Variants in PIGN observed in about 807,000 individuals in gnomAD.
PIGN encodes phosphatidylinositol glycan anchor biosynthesis class N.
Under a neutral mutation model 125.4 loss-of-function variants are expected in PIGN, and 117 were observed. The observed-to-expected ratio is 0.93, with a 90% CI of 0.80 to 1.09. The LOEUF (loss-of-function observed/expected upper bound fraction) is 1.09. Ranked by LOEUF, PIGN falls within the 50% of genes least tolerant of loss-of-function variation. PIGN has a pLI of 0.00. For missense variants in PIGN, 1,075 were observed against 1,094.9 expected (o/e 0.98, Z 0.26); for synonymous variants, 392 against 377.8 (o/e 1.04, Z -0.44).
At chr18:62,055,698 T>C (rs1379654392) in intron 30 of PIGN, among the ~76,000 whole-genome samples, 2 of 152,050 alleles carry the variant, frequency 1.3e-5, no homozygotes, top group African/African-American at 2.4e-5. Flanking sequence ...TACAACCTCA[T>C]GTGAATCTAT....
Position 62,106,664 on chromosome 18 carries a change from A to T in PIGN, c.1767+125T>A, listed in dbSNP as rs1194644300. 6.2e-6 allele frequency: 4 copies of T among 649,768 alleles called. No individual in the cohort carries two copies. The Admixed American group carries it at 8.7e-5, about 14-fold the overall frequency. The allele number at this position is 649,768 out of a possible 1,614,324, so 40.3% of individuals were successfully genotyped here. A position where few individuals can be genotyped will look rare whatever the true frequency, so the allele number is the denominator to read the frequency against. On this transcript the variant is annotated intron_variant, in intron 19 of 30. Transcript: ENST00000640252. ...TAATGTCAGTCCTCCTATCAATATG[A>T]CTAGGCTCTTTTATGTAAGAACACA... is the stretch of plus-strand genomic sequence containing the variant.
intron 25 of PIGN, among the ~76,000 whole-genome samples, chr18:62,087,398 G>C (rs1291157248): frequency 6.6e-6 from 1 of 152,212 alleles, no homozygotes; most frequent in Non-Finnish European, 1.5e-5. Context: ...AACTTCGGCA[G>C]AGACATCTGA....
At chr18:62,085,107 C>CA in intron 26 of PIGN, 102 bp downstream of exon 26, 1 of 720,216 alleles carries the variant, frequency 1.4e-6, no homozygotes, top group Non-Finnish European at 2.3e-6. Flanking sequence ...GACTTGGTCT[C>CA]AAAAAGAAAA....
In PIGN at chr18:62,045,750, G is replaced by A. The variant is rs2030623433; in HGVS notation, c.*106C>T. The A allele has an allele frequency of 3.8e-6, 4 of 1,064,864 alleles. No homozygotes were observed. Among genetic ancestry groups the A allele is most frequent in the Admixed American group, 2.4e-5 (1 of 42,316 alleles). The allele number at this position is 1,064,864 out of a possible 1,614,324, so 66.0% of individuals were successfully genotyped here. On this transcript the variant is annotated 3_prime_UTR_variant, in exon 31 of 31. Coordinates refer to ENST00000640252, the MANE Select transcript of PIGN (RefSeq NM_176787.5). ...TCCAAATACCATTTTCCTTACAGGA[G>A]TAGAATATACTATATATCCATATCC...
At chr18:62,152,871 T>G (rs201576643) in intron 7 of PIGN, among the ~76,000 whole-genome samples, 1 of 25,104 alleles carries the variant, frequency 4.0e-5, no homozygotes, top group African/African-American at 6.9e-5. Flanking sequence ...TATATATATT[T>G]TTTTTTTTAA....
At chr18:62,162,106 A>T (rs532774406) in intron 3 of PIGN, 147 bp downstream of exon 3, 15 of 152,296 alleles carry the variant, frequency 9.8e-5, no homozygotes, top group African/African-American at 3.6e-4. Context: ...TTTTGTGCAC[A>T]CATCACATGC....
chr18:62,139,130 T>G, intron 12 of PIGN, 55 bp from the exon 13 acceptor site: 1 of 1,060,638 alleles, frequency 9.4e-7, no homozygotes, highest in Non-Finnish European at 1.4e-6. Context: ...CAGGCTATCC[T>G]TATAAAACAA....
At chr18:62,180,830 A>G (rs2037691900) in intron 1 of PIGN, among the ~76,000 whole-genome samples, 1 of 152,152 alleles carries the variant, frequency 6.6e-6, no homozygotes, top group Non-Finnish European at 1.5e-5. Context: ...AAATTTTTCA[A>G]CTTTAATACA....
intron 23 of PIGN, among the ~76,000 whole-genome samples, chr18:62,018,619 T>G (rs898186621): frequency 6.6e-6 from 1 of 152,156 alleles, no homozygotes; most frequent in African/African-American, 2.4e-5. Flanking sequence ...CATGGTTTGT[T>G]ACATCATTTG....
At chr18:62,132,498 C>T (rs1355007197) in intron 14 of PIGN, among the ~76,000 whole-genome samples, 2 of 151,916 alleles carry the variant, frequency 1.3e-5, no homozygotes, top group African/African-American at 4.8e-5. Flanking sequence ...TTTAGTATTC[C>T]ACCTGGTTCT....
chr18:62,154,221 A>T, intron 7 of PIGN: 1 of 355,210 alleles, frequency 2.8e-6, no homozygotes, highest in East Asian at 4.4e-5. Flanking sequence ...CCTACATCTC[A>T]TATGGTCCAT....
At chr18:62,152,868 ATT>A (rs67953114) in intron 7 of PIGN, among the ~76,000 whole-genome samples, 8 of 144,754 alleles carry the variant, frequency 5.5e-5, no homozygotes, top group African/African-American at 2.0e-4. Context: ...ATATATATAT[ATT>A]TTTTTTTTTA....
intron 13 of PIGN, among the ~76,000 whole-genome samples, chr18:62,138,757 TA>T (rs2036027316): frequency 6.6e-6 from 1 of 151,868 alleles, no homozygotes; most frequent in Non-Finnish European, 1.5e-5. Context: ...GCATATGTGG[TA>T]ATCTTACATG....
At chr18:62,080,515 T>A (rs1156397165) in intron 28 of PIGN, among the ~76,000 whole-genome samples, 2 of 152,190 alleles carry the variant, frequency 1.3e-5, no homozygotes, top group African/African-American at 4.8e-5. Flanking sequence ...GTCAGAAATC[T>A]GCTACATGGG....
At chr18:62,141,751 T>C (rs2036143901) in intron 11 of PIGN, among the ~76,000 whole-genome samples, 1 of 152,194 alleles carries the variant, frequency 6.6e-6, no homozygotes, top group Admixed American at 6.5e-5. Context: ...TCTTCAAGGA[T>C]TCTTTGAACT....
rs989382663 is a variant in PIGN, at chr18:62,043,932, G to A, written c.*1924C>T. 5.9e-5 allele frequency: 9 copies of A among 152,040 alleles called. No individual in the cohort carries two copies. Among genetic ancestry groups the A allele is most frequent in the Non-Finnish European group, 1.0e-4 (7 of 67,994 alleles). 9.4% of individuals were successfully genotyped at this position (152,040 alleles called of 1,614,324 possible). A position where few individuals can be genotyped will look rare whatever the true frequency, so the allele number is the denominator to read the frequency against. On this transcript the variant is annotated 3_prime_UTR_variant, in exon 31 of 31. Coordinates refer to ENST00000640252, the MANE Select transcript of PIGN (RefSeq NM_176787.5). ...AATAGAAATACTTTTTCCCTAACTC[G>A]TTTCTTTTTTCTGTTTTGCAACATA...
At chr18:62,065,601 A>C (rs34182130) in intron 30 of PIGN, among the ~76,000 whole-genome samples, 5,847 of 151,716 alleles carry the variant, frequency 0.039, 174 homozygotes, top group East Asian at 0.081. Flanking sequence ...TAGCCGGGCG[A>C]GGTGGTGGGC....
chr18:62,030,218 G>C (rs1347313170), intron 23 of PIGN, among the ~76,000 whole-genome samples: 1 of 152,230 alleles, frequency 6.6e-6, no homozygotes, highest in Non-Finnish European at 1.5e-5. Context: ...TGCAGAGAAT[G>C]TTCTTGTGAT....
chr18:62,023,906 C>G (rs965624403), intron 23 of PIGN, among the ~76,000 whole-genome samples: 4 of 152,162 alleles, frequency 2.6e-5, no homozygotes, highest in Admixed American at 2.0e-4. Context: ...GAATTGTGTA[C>G]TTTATGCAGT....
Sources: gnomAD v4.1 joint callset for allele counts (sites outside exome capture counted in the v4.1 genomes callset) on GRCh38, gnomAD v4.1.1 for gene constraint, MANE v1.5 for transcripts, NCBI Gene and HGNC (gene_info 2026-07-23, HGNC 2026-07-21) for gene names.